Variants in ATP2C2 observed in about 807,000 individuals in gnomAD.
The protein encoded by ATP2C2 is ATPase secretory pathway Ca2+ transporting 2.
ATP2C2 carries 171 observed loss-of-function variants against 110.8 expected under a neutral mutation model. The ratio of observed to expected loss-of-function variants is 1.54; its 90% confidence interval spans 1.36 to 1.75. The LOEUF (loss-of-function observed/expected upper bound fraction) is 1.75, where lower values mean the gene tolerates loss of function less well. ATP2C2 is among the 40% of genes most tolerant of loss of function. The probability of loss-of-function intolerance (pLI) is 0.00; values close to 1 mark genes in which losing one functional copy is unlikely to be tolerated. For missense variants in ATP2C2, 1,963 were observed against 1,235.0 expected, an observed-to-expected ratio of 1.59 and a Z score of -8.84; for synonymous variants, 804 against 508.4, an observed-to-expected ratio of 1.58 and a Z score of -7.82.
chr16:84,422,550 G>C lies in ATP2C2; in HGVS notation c.774+11G>C. 1 of 1,613,176 alleles carries C rather than the reference G, an allele frequency of 6.2e-7. No homozygotes were observed. Among genetic ancestry groups the C allele is most frequent in the South Asian group, 1.1e-5 (1 of 91,038 alleles). On this transcript the variant is annotated intron_variant, in intron 8 of 26. Transcript: ENST00000262429. The stretch of plus-strand genomic sequence containing the variant: ...TATGGGAGGGGCCAGGTAAGCCCTG[G>C]GACACCGAGGCCTTGGGCTCCCGTA...
rs531379865 is a variant in ATP2C2 at position 84,413,063 on chromosome 16, AC to A, written c.515+2299del. 8.7e-5 allele frequency among the ~76,000 whole-genome samples: 13 copies of A among 149,294 alleles called. No individual in the cohort carries two copies. The East Asian group carries it at 2.4e-3, about 27-fold the overall frequency. ...CAGTGAGCCAAGAGTGCTCCATTGT[AC>A]TCCAGCCTGTGCGATAAGAGCGAAA... On this transcript the variant is annotated intron_variant, in intron 6 of 26. Coordinates refer to ENST00000262429, the MANE Select transcript of ATP2C2 (RefSeq NM_014861.4).
Position 84,429,191 on chromosome 16 carries a change from G to A in ATP2C2, c.986+3390G>A, listed in dbSNP as rs11641402. ...TTTCAGACAGAGTTTCACTCTTGTC[G>A]CCCAGGCTGGAGTGCAATGGCACGA... On this transcript the variant is annotated intron_variant, in intron 11 of 26. Transcript: ENST00000262429. 8.3e-3 allele frequency among the ~76,000 whole-genome samples: 1,263 copies of A among 151,930 alleles called. 20 individuals are homozygous for A. The highest frequency in any genetic ancestry group is 0.028 in the African/African-American group (1,157 of 41,390).
At chr16:84,402,369 T>A (rs1597769523) in intron 2 of ATP2C2, among the ~76,000 whole-genome samples, 1 of 152,334 alleles carries the variant, frequency 6.6e-6, no homozygotes, top group East Asian at 1.9e-4. Context: ...TGAATAGTAG[T>A]GGTAAAAGTG....
At position 84,453,150 on chromosome 16, in the gene ATP2C2, G is replaced by A; in HGVS notation, c.1844G>A (p.Gly615Asp). The A allele has an allele frequency of 1.9e-6, 3 of 1,612,650 alleles. No individual in the cohort carries two copies. Among genetic ancestry groups the A allele is most frequent in the Non-Finnish European group, 2.5e-6 (3 of 1,179,266 alleles). Residue 615 changes from glycine to aspartate, a missense_variant, in exon 19 of 27, where the codon GGC (glycine) becomes GAC (aspartate). Coordinates refer to ENST00000262429, the MANE Select transcript of ATP2C2 (RefSeq NM_014861.4). ...GGTTCTTCTGAAGGAAGAAACATCG[G>A]CCTGTGCAACGGGAAGCTGCAAGCC... ...ETALAIGRNIGLCNGKLQAMS... is the reference protein window; with the variant it reads ...ETALAIGRNIDLCNGKLQAMS...
chr16:84,422,721 G>T, intron 9 of ATP2C2, 24 bp downstream of exon 9: 1 of 1,588,726 alleles, frequency 6.3e-7, no homozygotes, highest in Non-Finnish European at 8.5e-7. Context: ...GGGGGCTTCG[G>T]GACTTTTGTA....
intron 6 of ATP2C2, among the ~76,000 whole-genome samples, chr16:84,411,797 G>T (rs188510209): frequency 6.8e-4 from 103 of 152,232 alleles, no homozygotes; most frequent in Non-Finnish European, 1.1e-3. Flanking sequence ...ATATGCACAT[G>T]GACCTAGTGG....
At chr16:84,381,944 G>A (rs774567986) in intron 1 of ATP2C2, among the ~76,000 whole-genome samples, 2 of 152,200 alleles carry the variant, frequency 1.3e-5, no homozygotes, top group Non-Finnish European at 2.9e-5. Flanking sequence ...TTCTAAGCTC[G>A]AGTCCCCTGG....
chr16:84,428,813 T>C (rs1908010931), intron 11 of ATP2C2, among the ~76,000 whole-genome samples: 1 of 152,212 alleles, frequency 6.6e-6, no homozygotes, highest in Non-Finnish European at 1.5e-5. Flanking sequence ...GCTGTACTCA[T>C]AGATAATAGT....
At chr16:84,411,551 C>G (rs1394711601) in intron 6 of ATP2C2, among the ~76,000 whole-genome samples, 1 of 152,162 alleles carries the variant, frequency 6.6e-6, no homozygotes, top group Non-Finnish European at 1.5e-5. Flanking sequence ...AAGCAGTTCT[C>G]CTGCCTCAGC....
chr16:84,414,932 G>T (rs1165103480), intron 6 of ATP2C2, among the ~76,000 whole-genome samples: 1 of 152,134 alleles, frequency 6.6e-6, no homozygotes. Context: ...TGGGTTGAAG[G>T]GGCCAGGTCG....
At chr16:84,426,399 CT>C (rs1907820799) in intron 11 of ATP2C2, among the ~76,000 whole-genome samples, 1 of 152,168 alleles carries the variant, frequency 6.6e-6, no homozygotes, top group South Asian at 2.1e-4. Context: ...TATGTTTCAA[CT>C]TGAGGTTTGA....
In ATP2C2 at chr16:84,446,252, T is replaced by C. The variant is rs1268324205; in HGVS notation, c.1402-77T>C. Reference sequence around the variant, plus strand: ...TGCCAGAGGTGGTTTGAACAATGAATAATTTAAATGGACTGAGCTTTGTAT... The same window carrying C: ...TGCCAGAGGTGGTTTGAACAATGAACAATTTAAATGGACTGAGCTTTGTAT... On this transcript the variant is annotated intron_variant, in intron 15 of 26. Coordinates refer to ENST00000262429, the MANE Select transcript of ATP2C2 (RefSeq NM_014861.4). 25 of 804,784 alleles carry C rather than the reference T, an allele frequency of 3.1e-5. No homozygotes were observed. In the East Asian group the frequency reaches 7.3e-4, roughly 24 times the overall value. The allele number at this position is 804,784 out of a possible 1,614,324, so 49.9% of individuals were successfully genotyped here.
intron 19 of ATP2C2, 31 bp downstream of exon 19, chr16:84,453,266 G>A: frequency 6.2e-7 from 1 of 1,614,086 alleles, no homozygotes; most frequent in East Asian, 2.2e-5. Flanking sequence ...CTGGCAGTGG[G>A]GCTGGGTCAC....
At chr16:84,377,345 G>C (rs547812046) in intron 1 of ATP2C2, among the ~76,000 whole-genome samples, 1 of 152,154 alleles carries the variant, frequency 6.6e-6, no homozygotes. Flanking sequence ...GGAGTGGGCC[G>C]GACAGGCATC....
At chr16:84,453,423 C>A (rs1910500773) in intron 20 of ATP2C2, 52 bp downstream of exon 20, 1 of 1,605,656 alleles carries the variant, frequency 6.2e-7, no homozygotes, top group African/African-American at 1.3e-5. Flanking sequence ...GGGCCAGAGA[C>A]ACTGTGGCTC....
At chr16:84,432,878 C>G (rs1187979319) in intron 11 of ATP2C2, among the ~76,000 whole-genome samples, 1 of 152,072 alleles carries the variant, frequency 6.6e-6, no homozygotes, top group African/African-American at 2.4e-5. Context: ...CCAGGGAGCA[C>G]CCTCTGAGCG....
In ATP2C2 at chr16:84,408,466, A is replaced by G. The variant is rs759049346; in HGVS notation, c.389A>G (p.Glu130Gly). Residue 130 changes from glutamate (E) to glycine (G), a missense_variant, in exon 4 of 27, where the codon GAG becomes GGG. Transcript: ENST00000262429. ...GSALVSVLTK[E>G]YEDAVSIATA... ...GCCCTGGTGAGTGTCCTCACCAAGG[A>G]GTATGAGGACGCCGTCAGCATCGCC... 1 of 1,613,618 alleles carries G rather than the reference A, an allele frequency of 6.2e-7. No homozygotes were observed. The highest frequency in any genetic ancestry group is 8.5e-7 in the Non-Finnish European group (1 of 1,179,962).
intron 21 of ATP2C2, 45 bp from the exon 22 acceptor site, chr16:84,459,075 T>C: frequency 6.2e-7 from 1 of 1,607,228 alleles, no homozygotes; most frequent in Non-Finnish European, 8.5e-7. Context: ...GGTCCAGCCC[T>C]CACGCAGGCC....
chr16:84,374,033 C>T (rs998128127), intron 1 of ATP2C2, among the ~76,000 whole-genome samples: 1 of 152,220 alleles, frequency 6.6e-6, no homozygotes, highest in African/African-American at 2.4e-5. Flanking sequence ...AACCGTAGAA[C>T]TGGCTCGTTC....
Sources: allele counts gnomAD v4.1 joint callset (sites outside exome capture counted in the v4.1 genomes callset), GRCh38; gene constraint gnomAD v4.1.1; transcripts MANE v1.5; gene names NCBI Gene and HGNC (gene_info 2026-07-23, HGNC 2026-07-21).